The following MRAS variants were observed in gnomAD, a reference collection of about 807,000 sequenced individuals.
The protein encoded by MRAS is muscle RAS oncogene homolog.
Under a neutral mutation model 20.9 loss-of-function variants are expected in MRAS, and 4 were observed. The ratio of observed to expected loss-of-function variants is 0.19; its 90% CI spans 0.09 to 0.44. The LOEUF is 0.44. MRAS is among the 20% of genes least tolerant of loss of function. The probability of loss-of-function intolerance (pLI) is 0.99; values close to 1 mark genes in which losing one functional copy is unlikely to be tolerated. For synonymous variants in MRAS, 98 were observed against 102.9 expected, an observed-to-expected ratio of 0.95 and a Z score of 0.29; for missense variants, 154 against 277.5, an observed-to-expected ratio of 0.56 and a Z score of 3.16.
chr3:138,386,039 G>C (rs2055005930), intron 2 of MRAS, among the ~76,000 whole-genome samples: 1 of 152,114 alleles, frequency 6.6e-6, no homozygotes, highest in South Asian at 2.1e-4. Flanking sequence ...TTACAGGGAG[G>C]GAGGTGGGTT....
chr3:138,392,374 A>G (rs2055150208), intron 2 of MRAS, among the ~76,000 whole-genome samples: 1 of 152,228 alleles, frequency 6.6e-6, no homozygotes. Context: ...TGCCCAGCCA[A>G]GTATTTAAAT....
intron 2 of MRAS, among the ~76,000 whole-genome samples, chr3:138,382,517 A>G (rs2054926013): frequency 6.6e-6 from 1 of 152,216 alleles, no homozygotes; most frequent in Non-Finnish European, 1.5e-5. Context: ...ACTAGTTGGT[A>G]AAATAGTGAA....
chr3:138,400,093 T>C (rs1224099724), intron 4 of MRAS: 1 of 157,476 alleles, frequency 6.4e-6, no homozygotes, highest in Non-Finnish European at 1.4e-5. Context: ...GGGCCCAGAA[T>C]CCTGGTCATG....
chr3:138,363,149 G>A (rs1377763957), intron 1 of MRAS, among the ~76,000 whole-genome samples: 1 of 151,718 alleles, frequency 6.6e-6, no homozygotes, highest in Non-Finnish European at 1.5e-5. Context: ...TGATTCTTCC[G>A]CCTCCCCAGT....
chr3:138,387,821 G>A (rs181541518), intron 2 of MRAS, among the ~76,000 whole-genome samples: 138 of 152,234 alleles, frequency 9.1e-4, no homozygotes, highest in African/African-American at 3.1e-3. Context: ...AATGTGCACC[G>A]ACATATGCAG....
intron 1 of MRAS, among the ~76,000 whole-genome samples, chr3:138,362,359 C>A (rs1033843901): frequency 7.2e-5 from 11 of 152,160 alleles, no homozygotes; most frequent in African/African-American, 2.7e-4. Flanking sequence ...TGCCTCTCTC[C>A]CCTTGGTAAA....
At chr3:138,367,416 G>C (rs917734964) in intron 1 of MRAS, among the ~76,000 whole-genome samples, 1 of 152,166 alleles carries the variant, frequency 6.6e-6, no homozygotes, top group African/African-American at 2.4e-5. Context: ...AGTTGAGGCT[G>C]TCCCTGACCT....
chr3:138,388,434 C>T (rs997356228), intron 2 of MRAS, among the ~76,000 whole-genome samples: 1 of 152,210 alleles, frequency 6.6e-6, no homozygotes, highest in African/African-American at 2.4e-5. Context: ...CACAGTGGCT[C>T]ACGCCTGTAA....
At chr3:138,401,673 T>C (rs538364835) in intron 5 of MRAS, among the ~76,000 whole-genome samples, 2 of 152,320 alleles carry the variant, frequency 1.3e-5, no homozygotes, top group Admixed American at 1.3e-4. Flanking sequence ...TTGCCTCCAA[T>C]TAGGATGTGC....
At chr3:138,352,442 T>C (rs1409144281) in intron 1 of MRAS, among the ~76,000 whole-genome samples, 2 of 152,370 alleles carry the variant, frequency 1.3e-5, no homozygotes, top group Non-Finnish European at 2.9e-5. Flanking sequence ...TGCTTCTTTT[T>C]GTTGTTGTTA....
intron 2 of MRAS, among the ~76,000 whole-genome samples, chr3:138,386,230 G>C (rs1023542714): frequency 2.6e-5 from 4 of 151,760 alleles, no homozygotes; most frequent in Non-Finnish European, 2.9e-5. Flanking sequence ...CCCCAACCCT[G>C]CTCAAAACCC....
At chr3:138,377,174 G>T (rs1263257064) in intron 2 of MRAS, among the ~76,000 whole-genome samples, 1 of 152,210 alleles carries the variant, frequency 6.6e-6, no homozygotes, top group African/African-American at 2.4e-5. Flanking sequence ...TACTTTAGAA[G>T]AATGAGTTTG....
At chr3:138,380,298 GGCAACCACCATTC>G (rs889731030) in intron 2 of MRAS, among the ~76,000 whole-genome samples, 25 of 150,020 alleles carry the variant, frequency 1.7e-4, no homozygotes, top group Non-Finnish European at 5.9e-5. Context: ...CTCAGTCCTT[GGCAACCACCATTC>G]TACTTTCTTT....
At chr3:138,361,526 TG>T (rs758110860) in intron 1 of MRAS, among the ~76,000 whole-genome samples, 5 of 152,018 alleles carry the variant, frequency 3.3e-5, no homozygotes, top group Non-Finnish European at 7.4e-5. Flanking sequence ...GAAGAGAATT[TG>T]GGGCAGAGAG....
chr3:138,388,932 C>T (rs1034031408), intron 2 of MRAS, among the ~76,000 whole-genome samples: 3 of 151,942 alleles, frequency 2.0e-5, no homozygotes, highest in Non-Finnish European at 4.4e-5. Context: ...ACCTCTGCCT[C>T]CCAGGTTCAA....
intron 2 of MRAS, among the ~76,000 whole-genome samples, chr3:138,380,008 G>C (rs2108531187): frequency 6.6e-6 from 1 of 152,006 alleles, no homozygotes; most frequent in Non-Finnish European, 1.5e-5. Flanking sequence ...TTGTCTTTTT[G>C]ATAATAGCCA....
chr3:138,400,262 A>T (rs1038175406), intron 4 of MRAS: 1 of 369,872 alleles, frequency 2.7e-6, no homozygotes, highest in East Asian at 5.2e-5. Flanking sequence ...ATCTTCAAGT[A>T]TATAAAAAGA....
intron 2 of MRAS, among the ~76,000 whole-genome samples, chr3:138,377,027 G>A (rs550138965): frequency 1.3e-5 from 2 of 152,302 alleles, no homozygotes; most frequent in Non-Finnish European, 2.9e-5. Flanking sequence ...GAGGAAAAAT[G>A]TTTTCCTCAA....
chr3:138,355,371 A>C (rs1181660355), intron 1 of MRAS, among the ~76,000 whole-genome samples: 1 of 152,192 alleles, frequency 6.6e-6, no homozygotes, highest in Non-Finnish European at 1.5e-5. Context: ...TCCTGAGCTG[A>C]AGCCTGGTGT....
Sources: gnomAD v4.1 joint callset for allele counts (sites outside exome capture counted in the v4.1 genomes callset) on GRCh38, gnomAD v4.1.1 for gene constraint, MANE v1.5 for transcripts, NCBI Gene and HGNC (gene_info 2026-07-23, HGNC 2026-07-21) for gene names.